Variants in SHISA6 observed in about 807,000 individuals in gnomAD.
The protein encoded by SHISA6 is protein shisa-6.
SHISA6 carries 22 observed loss-of-function variants against 47.9 expected under a neutral mutation model. The ratio of observed to expected loss-of-function variants is 0.46; its 90% confidence interval spans 0.33 to 0.66. The LOEUF (loss-of-function observed/expected upper bound fraction) is 0.66, where lower values mean the gene tolerates loss of function less well. SHISA6 is among the 30% of genes least tolerant of loss of function. The probability of loss-of-function intolerance (pLI) is 0.02; values close to 1 mark genes in which losing one functional copy is unlikely to be tolerated. For missense variants in SHISA6, 680 were observed against 764.6 expected (o/e 0.89, Z 1.30); for synonymous variants, 388 against 337.8 (o/e 1.15, Z -1.63).
At position 11,445,773 on chromosome 17, in the gene SHISA6, C is replaced by T. The variant is rs142271803; in HGVS notation, c.895+66264C>T. On this transcript the variant is annotated intron_variant, in intron 3 of 5. Transcript: ENST00000441885. Reference sequence around the variant, plus strand: ...AGGTAATCACTGGAAGCCCGGGGGCCGGGAGCAAGGCCTCCACAAGTGGGC... The same window carrying T: ...AGGTAATCACTGGAAGCCCGGGGGCTGGGAGCAAGGCCTCCACAAGTGGGC... 7.2e-3 allele frequency among the ~76,000 whole-genome samples: 1,096 copies of T among 152,238 alleles called. 19 individuals are homozygous for T. The highest frequency in any genetic ancestry group is 0.025 in the African/African-American group (1,034 of 41,556).
chr17:11,364,832 C>T (rs889678205), intron 2 of SHISA6, among the ~76,000 whole-genome samples: 1 of 152,178 alleles, frequency 6.6e-6, no homozygotes, highest in Admixed American at 6.5e-5. Flanking sequence ...TATGAGAGTT[C>T]CAGTTGCTCC....
chr17:11,462,672 G>C (rs895208837), intron 3 of SHISA6, among the ~76,000 whole-genome samples: 3 of 151,892 alleles, frequency 2.0e-5, no homozygotes, highest in African/African-American at 7.3e-5. Flanking sequence ...CCAGGCTGGA[G>C]TCCAGAGTGC....
chr17:11,310,988 T>C (rs1166350713), intron 2 of SHISA6, among the ~76,000 whole-genome samples: 3 of 151,026 alleles, frequency 2.0e-5, no homozygotes, highest in Non-Finnish European at 4.4e-5. Flanking sequence ...GTGCCTGTAG[T>C]CCCAGCTACT....
At chr17:11,243,048 G>A (rs1907433579) in intron 1 of SHISA6, among the ~76,000 whole-genome samples, 1 of 151,918 alleles carries the variant, frequency 6.6e-6, no homozygotes. Context: ...CCCTGCCCCG[G>A]GAGATGCCTC....
chr17:11,563,346 C>G lies in SHISA6; in HGVS notation c.*5042C>G, dbSNP rs2072063206. On this transcript the variant is annotated 3_prime_UTR_variant, in exon 6 of 6. Coordinates refer to ENST00000441885, the MANE Select transcript of SHISA6 (RefSeq NM_207386.4). ...TGGGCTGCTAGGAAGGGGCACTCATCCCATCCTAGTACCTTTGTAGCCCTT... is the reference window on the plus strand; with the variant it reads ...TGGGCTGCTAGGAAGGGGCACTCATGCCATCCTAGTACCTTTGTAGCCCTT... The G allele has an allele frequency of 6.6e-6, 1 of 152,218 alleles. No individual in the cohort carries two copies. The highest frequency in any genetic ancestry group is 2.4e-5 in the African/African-American group (1 of 41,444). The allele number at this position is 152,218 out of a possible 1,614,324, so 9.4% of individuals were successfully genotyped here.
rs768280409 is a variant in SHISA6 at position 11,491,768 on chromosome 17, G to GTTT, written c.896-60127_896-60126insTTT. On this transcript the variant is annotated intron_variant, in intron 3 of 5. Coordinates refer to ENST00000441885, the MANE Select transcript of SHISA6 (RefSeq NM_207386.4). Reference sequence around the variant, plus strand: ...GTGTACTGAAAGGGAAGCTGGTGAAGTGTTTTTTTTTTTTTTTTTTTGAGA... The same window carrying GTTT: ...GTGTACTGAAAGGGAAGCTGGTGAAGTTTTGTTTTTTTTTTTTTTTTTTTGAGA... Among the ~76,000 whole-genome samples the GTTT allele has an allele frequency of 1.3e-3, 139 of 107,928 alleles. 6 individuals are homozygous for GTTT. The highest frequency in any genetic ancestry group is 1.7e-3 in the African/African-American group (51 of 30,470). The allele number at this position is 107,928 out of a possible 152,430, so 70.8% of individuals were successfully genotyped here.
intron 3 of SHISA6, among the ~76,000 whole-genome samples, chr17:11,428,534 G>A (rs1051272239): frequency 3.3e-5 from 5 of 152,204 alleles, no homozygotes; most frequent in African/African-American, 1.2e-4. Flanking sequence ...CTGTGGCTAC[G>A]GCGCTAAGCA....
At chr17:11,284,977 C>T (rs1909247587) in intron 2 of SHISA6, among the ~76,000 whole-genome samples, 1 of 152,228 alleles carries the variant, frequency 6.6e-6, no homozygotes, top group Admixed American at 6.5e-5. Flanking sequence ...CCCTCTCCAG[C>T]TGGCCCTGTG....
rs534326661 is a variant in SHISA6, at chr17:11,305,760, C to T, written c.799+42234C>T. Among the ~76,000 whole-genome samples the T allele has an allele frequency of 9.3e-4, 142 of 152,264 alleles. 1 individual carries two copies. Among genetic ancestry groups the T allele is most frequent in the African/African-American group, 3.2e-3 (133 of 41,564 alleles). On this transcript the variant is annotated intron_variant, in intron 2 of 5. Transcript: ENST00000441885. ...TGACAGAGAGTGGAGGAGACAGGCC[C>T]ACCCTGCCCCGAGCCTCCACCTGCG...
At chr17:11,516,567 T>G (rs2071587551) in intron 3 of SHISA6, among the ~76,000 whole-genome samples, 3 of 152,184 alleles carry the variant, frequency 2.0e-5, no homozygotes, top group Admixed American at 6.5e-5. Flanking sequence ...ATATAGCATG[T>G]TCCAATCCCC....
intron 2 of SHISA6, among the ~76,000 whole-genome samples, chr17:11,279,072 G>T (rs1031600928): frequency 3.3e-5 from 5 of 152,148 alleles, no homozygotes; most frequent in African/African-American, 7.2e-5. Flanking sequence ...CTCCTGAGTG[G>T]CCAGTTTGGG....
At chr17:11,450,651 C>T (rs189171432) in intron 3 of SHISA6, among the ~76,000 whole-genome samples, 16 of 151,844 alleles carry the variant, frequency 1.1e-4, no homozygotes, top group East Asian at 7.8e-4. Context: ...GCCAAGATTG[C>T]GCCATTGCAC....
intron 3 of SHISA6, among the ~76,000 whole-genome samples, chr17:11,411,022 G>A (rs574890769): frequency 2.0e-5 from 3 of 152,212 alleles, no homozygotes; most frequent in Admixed American, 6.5e-5. Flanking sequence ...ATGCTGGAGT[G>A]CAGTGGCGCG....
chr17:11,249,803 G>A (rs148612286), intron 1 of SHISA6, among the ~76,000 whole-genome samples: 1 of 152,292 alleles, frequency 6.6e-6, no homozygotes, highest in African/African-American at 2.4e-5. Context: ...AATGAGATAG[G>A]TGATCAGAAA....
chr17:11,380,344 C>T (rs1912968659), intron 3 of SHISA6: 1 of 152,124 alleles, frequency 6.6e-6, no homozygotes, highest in Non-Finnish European at 1.5e-5. Context: ...ATTCCATGCA[C>T]CTACTTTTTA....
chr17:11,544,376 A>C (rs1444376274), intron 3 of SHISA6, among the ~76,000 whole-genome samples: 1 of 152,214 alleles, frequency 6.6e-6, no homozygotes, highest in Non-Finnish European at 1.5e-5. Context: ...ATGCAATCTG[A>C]TTTAAAAATG....
chr17:11,326,115 C>G, intron 2 of SHISA6, among the ~76,000 whole-genome samples: 1 of 152,104 alleles, frequency 6.6e-6, no homozygotes, highest in South Asian at 2.1e-4. Context: ...ACTAAAAATA[C>G]AAAAAATTAG....
At chr17:11,466,583 C>T (rs976164134) in intron 3 of SHISA6, among the ~76,000 whole-genome samples, 17 of 152,172 alleles carry the variant, frequency 1.1e-4, no homozygotes, top group Non-Finnish European at 2.4e-4. Context: ...CTGCAGTTTA[C>T]GTCTCCATGT....
At position 11,321,763 on chromosome 17, in the gene SHISA6, C is replaced by A. The variant is rs371525940; in HGVS notation, c.800-57651C>A. Among the ~76,000 whole-genome samples the A allele has an allele frequency of 5.3e-5, 8 of 152,270 alleles. No individual in the cohort carries two copies. The East Asian group carries it at 1.2e-3, about 22-fold the overall frequency. The stretch of plus-strand genomic sequence containing the variant: ...TGCTTGGATTCCATTTCTTCTATAG[C>A]AAGCTTGTCCAACCTGTGGCCCACA... On this transcript the variant is annotated intron_variant, in intron 2 of 5. Coordinates refer to ENST00000441885, the MANE Select transcript of SHISA6 (RefSeq NM_207386.4).
Sources: allele counts gnomAD v4.1 joint callset (sites outside exome capture counted in the v4.1 genomes callset), GRCh38; gene constraint gnomAD v4.1.1; transcripts MANE v1.5; gene names NCBI Gene and HGNC (gene_info 2026-07-23, HGNC 2026-07-21).